CUTA: variants seen among roughly 807,000 people sequenced by gnomAD.
CUTA encodes the protein protein CutA.
A neutral mutation model predicts 20.7 loss-of-function variants in CUTA; 21 were observed. The ratio of observed to expected loss-of-function variants is 1.01; its 90% CI spans 0.72 to 1.46. The LOEUF is 1.46. Ranked by LOEUF, CUTA falls within the 40% of genes most tolerant of loss-of-function variation. The pLI, the probability that CUTA is intolerant of heterozygous loss-of-function variation, is 0.00. For synonymous variants in CUTA, 99 were observed against 97.9 expected, an observed-to-expected ratio of 1.01 and a Z score of -0.07; for missense variants, 231 against 226.8, an observed-to-expected ratio of 1.02 and a Z score of -0.12.
Position 33,416,601 on chromosome 6 carries a change from G to A in CUTA, c.*49C>T, listed in dbSNP as rs1776495886. 1.9e-6 allele frequency: 2 copies of A among 1,078,808 alleles called. No individual in the cohort carries two copies. The highest frequency in any genetic ancestry group is 4.8e-5 in the East Asian group (2 of 41,830). The allele number at this position is 1,078,808 out of a possible 1,614,324, so 66.8% of individuals were successfully genotyped here. The stretch of plus-strand genomic sequence containing the variant: ...CCCAGTCATCACCTGGAAGTCAGAA[G>A]GCGTTGAAGTATCGCGGGGATCTTC... On this transcript the variant is annotated 3_prime_UTR_variant, in exon 6 of 6. Coordinates refer to ENST00000488034, the MANE Select transcript of CUTA (RefSeq NM_001014840.2).
Position 33,417,598 on chromosome 6 carries a change from C to T in CUTA, c.140G>A (p.Gly47Glu), listed in dbSNP as rs1274578269. The change falls in exon 2 of 6, where the codon GGA becomes GAA. Residue 47 changes from glycine to glutamate, a missense_variant. By Grantham distance (98) the Gly-to-Glu change is moderately conservative. Transcript: ENST00000488034. ...CGGCGAGGGCTGGGTCGGAGGGCTT[C>T]CAGAGGCCATGGTCAGCAAGACTCG... The part of the protein sequence containing the change: ...LPRVLLTMAS[G>E]SPPTQPSPAS... 6.2e-7 allele frequency: 1 copy of T among 1,614,104 alleles called. No homozygotes were observed. The highest frequency in any genetic ancestry group is 8.5e-7 in the Non-Finnish European group (1 of 1,180,020).
At chr6:33,417,828 A>G (rs1279554807) in intron 1 of CUTA, 131 bp downstream of exon 1, 1 of 1,544,360 alleles carries the variant, frequency 6.5e-7, no homozygotes, top group South Asian at 1.2e-5. Context: ...TGAAGGTGAG[A>G]GAGAAACTTG....
At chr6:33,417,372 C>G (rs1285959841) in intron 2 of CUTA, 62 bp from the exon 3 acceptor site, 10 of 1,613,154 alleles carry the variant, frequency 6.2e-6, no homozygotes. Flanking sequence ...TACTGGCAGC[C>G]CAGAGACAGG....
Position 33,417,597 on chromosome 6 carries a change from T to C in CUTA, c.141A>G (p.Gly47=), listed in dbSNP as rs1233346840. 6.2e-7 allele frequency: 1 copy of C among 1,613,970 alleles called. No homozygotes were observed. Among genetic ancestry groups the C allele is most frequent in the Admixed American group, 1.7e-5 (1 of 60,000 alleles). ...LPRVLLTMAS[G]SPPTQPSPAS... is the part of the protein sequence containing the mutation. ...CCGGCGAGGGCTGGGTCGGAGGGCT[T>C]CCAGAGGCCATGGTCAGCAAGACTC... Residue 47 remains glycine (G), a synonymous_variant, in exon 2 of 6, where the codon GGA becomes GGG. Coordinates refer to ENST00000488034, the MANE Select transcript of CUTA (RefSeq NM_001014840.2).
At position 33,417,510 on chromosome 6, in the gene CUTA, G is replaced by A. The variant is rs1776586553; in HGVS notation, c.228C>T (p.Pro76=). Residue 76 remains proline, a synonymous_variant, in exon 2 of 6, where the codon CCC becomes CCT. Coordinates refer to ENST00000488034, the MANE Select transcript of CUTA (RefSeq NM_001014840.2). ...CGATCTCCTTGGCGACCTTCTCGTT[G>A]GGGCAAGTAACAAAGGCTGCAGAGA... ...GSVSAAFVTC[P]NEKVAKEIAR... is the part of the protein sequence containing the mutation. The A allele has an allele frequency of 6.2e-7, 1 of 1,613,986 alleles. No individual in the cohort carries two copies. The highest frequency in any genetic ancestry group is 1.7e-5 in the Admixed American group (1 of 59,994).
rs1562861094 is a variant in CUTA, at chr6:33,416,703, A to C, written c.487T>G (p.Trp163Gly). 6.2e-7 allele frequency: 1 copy of C among 1,613,976 alleles called. No homozygotes were observed. The highest frequency in any genetic ancestry group is 8.5e-7 in the Non-Finnish European group (1 of 1,179,866). ...VEQGNFPYLQ[W>G]VRQVTESVSD... ...ACTGACTCTGTGACCTGGCGCACCCACTGCAGGTACGGAAAGTTCCCCTGT... is the reference window on the plus strand; with the variant it reads ...ACTGACTCTGTGACCTGGCGCACCCCCTGCAGGTACGGAAAGTTCCCCTGT... Residue 163 changes from tryptophan to glycine, a missense_variant, in exon 6 of 6, where the codon TGG (tryptophan) becomes GGG (glycine). Transcript: ENST00000488034.
intron 3 of CUTA, 47 bp downstream of exon 3, chr6:33,417,204 C>CA: frequency 6.2e-7 from 1 of 1,613,862 alleles, no homozygotes; most frequent in Non-Finnish European, 8.5e-7. Context: ...AAGAGGTTCC[C>CA]AGTCAGCTCC....
chr6:33,417,013 G>C, intron 4 of CUTA, 44 bp from the exon 5 acceptor site: 1 of 1,613,042 alleles, frequency 6.2e-7, no homozygotes, highest in Non-Finnish European at 8.5e-7. Context: ...GAGTGGGATT[G>C]AGTTCAGTTT....
chr6:33,417,208 C>G (rs774357947), intron 3 of CUTA, 43 bp downstream of exon 3: 2 of 1,613,896 alleles, frequency 1.2e-6, no homozygotes, highest in South Asian at 1.1e-5. Context: ...GGTTCCCAGT[C>G]AGCTCCTACA....
Position 33,417,087 on chromosome 6 carries a change from T to A in CUTA, c.363+10A>T. The stretch of plus-strand genomic sequence containing the variant: ...GGGATATTTTGTTGGGTGGGGGAAA[T>A]GTTTCTCACCATCAGCACCTCACTG... On this transcript the variant is annotated intron_variant, in intron 4 of 5. Transcript: ENST00000488034. 1 of 1,611,608 alleles carries A rather than the reference T, an allele frequency of 6.2e-7. No individual in the cohort carries two copies. The highest frequency in any genetic ancestry group is 8.5e-7 in the Non-Finnish European group (1 of 1,178,186).
intron 1 of CUTA, 73 bp downstream of exon 1, chr6:33,417,886 T>G (rs1346410028): frequency 6.4e-7 from 1 of 1,572,292 alleles, no homozygotes; most frequent in Non-Finnish European, 8.6e-7. Context: ...GGGGCCAACC[T>G]CTGGGATTTA....
At position 33,417,521 on chromosome 6, in the gene CUTA, C is replaced by A. The variant is rs139820365; in HGVS notation, c.217G>T (p.Val73Phe). ...GCGACCTTCTCGTTGGGGCAAGTAACAAAGGCTGCAGAGACCGAGCCCGGA... is the reference window on the plus strand; with the variant it reads ...GCGACCTTCTCGTTGGGGCAAGTAAAAAAGGCTGCAGAGACCGAGCCCGGA... The part of the protein sequence containing the change: ...YVPGSVSAAF[V>F]TCPNEKVAKE... The change falls in exon 2 of 6, where the codon GTT becomes TTT. Residue 73 changes from valine (V) to phenylalanine (F), a missense_variant. Coordinates refer to ENST00000488034, the MANE Select transcript of CUTA (RefSeq NM_001014840.2). 1.2e-6 allele frequency: 2 copies of A among 1,614,110 alleles called. No individual in the cohort carries two copies. Among genetic ancestry groups the A allele is most frequent in the Non-Finnish European group, 1.7e-6 (2 of 1,180,036 alleles).
chr6:33,416,765 G>A lies in CUTA; in HGVS notation c.425C>T (p.Pro142Leu), dbSNP rs11543058. ...TGCAATTACCTCGGCCACTTCGTAAGGGTGCACAGAACTACAAAATAGGTG... is the reference window on the plus strand; with the variant it reads ...TGCAATTACCTCGGCCACTTCGTAAAGGTGCACAGAACTACAAAATAGGTG... ...ALTDFVRSVHPYEVAEVIALP... is the reference protein window; with the variant it reads ...ALTDFVRSVHLYEVAEVIALP... The change falls in exon 6 of 6, where the codon CCT (proline) becomes CTT (leucine). Residue 142 changes from proline to leucine, a missense_variant. Pro to Leu is a moderately conservative substitution (Grantham distance 98, BLOSUM62 -3). Coordinates refer to ENST00000488034, the MANE Select transcript of CUTA (RefSeq NM_001014840.2). 1,115 of 1,614,122 alleles carry A rather than the reference G, an allele frequency of 6.9e-4. 1 individual carries two copies. In the African/African-American group the frequency reaches 8.6e-3, roughly 13 times the overall value.
At chr6:33,417,720 C>T (rs750043238) in intron 1 of CUTA, 25 bp from the exon 2 acceptor site, 9 of 1,588,416 alleles carry the variant, frequency 5.7e-6, no homozygotes, top group Non-Finnish European at 7.7e-6. Context: ...CGAATTCGAT[C>T]TCTCCTCACA....
chr6:33,417,933 G>A (rs765979014), intron 1 of CUTA, 26 bp downstream of exon 1: 5 of 1,572,142 alleles, frequency 3.2e-6, no homozygotes, highest in Admixed American at 3.8e-5. Flanking sequence ...AGGACCGGAA[G>A]GGGCGGGGCG....
At chr6:33,417,381 G>A in intron 2 of CUTA, 71 bp from the exon 3 acceptor site, 1 of 1,613,042 alleles carries the variant, frequency 6.2e-7, no homozygotes, top group Non-Finnish European at 8.5e-7. Context: ...CCCAGAGACA[G>A]GCTTCCAGAG....
In CUTA at chr6:33,417,608, T is replaced by A; in HGVS notation, c.130A>T (p.Met44Leu). The change falls in exon 2 of 6, where the codon ATG becomes TTG. Residue 44 changes from methionine (M) to leucine (L), a missense_variant. By Grantham distance (15) the Met-to-Leu change is conservative (BLOSUM62 2). Coordinates refer to ENST00000488034, the MANE Select transcript of CUTA (RefSeq NM_001014840.2). Reference protein sequence around the residue: ...LLLLPRVLLTMASGSPPTQPS... With the variant: ...LLLLPRVLLTLASGSPPTQPS... ...TGGGTCGGAGGGCTTCCAGAGGCCA[T>A]GGTCAGCAAGACTCGGGGTAGCAAC... The A allele has an allele frequency of 1.2e-6, 2 of 1,614,054 alleles. No individual in the cohort carries two copies. Among genetic ancestry groups the A allele is most frequent in the Non-Finnish European group, 1.7e-6 (2 of 1,180,014 alleles).
chr6:33,416,602 G>A lies in CUTA; in HGVS notation c.*48C>T. 9.2e-7 allele frequency: 1 copy of A among 1,084,578 alleles called. No individual in the cohort carries two copies. Among genetic ancestry groups the A allele is most frequent in the Non-Finnish European group, 1.4e-6 (1 of 698,242 alleles). The allele number at this position is 1,084,578 out of a possible 1,614,324, so 67.2% of individuals were successfully genotyped here. ...CCAGTCATCACCTGGAAGTCAGAAG[G>A]CGTTGAAGTATCGCGGGGATCTTCA... On this transcript the variant is annotated 3_prime_UTR_variant, in exon 6 of 6. Transcript: ENST00000488034.
At position 33,417,641 on chromosome 6, in the gene CUTA, G is replaced by C. The variant is rs747018021; in HGVS notation, c.97C>G (p.Arg33Gly). Residue 33 changes from arginine (R) to glycine (G), a missense_variant, in exon 2 of 6, where the codon CGC (arginine) becomes GGC (glycine). Arg to Gly is a moderately radical substitution (Grantham distance 125, BLOSUM62 -2). Coordinates refer to ENST00000488034, the MANE Select transcript of CUTA (RefSeq NM_001014840.2). ...AAGACTCGGGGTAGCAACAAAAGGC[G>C]GGAGGCCACAGGCAGCAGCGCCGGC... ...WMPALLPVAS[R>G]LLLLPRVLLT... The C allele has an allele frequency of 2.0e-5, 32 of 1,613,130 alleles. No individual in the cohort carries two copies. The highest frequency in any genetic ancestry group is 1.7e-6 in the Non-Finnish European group (2 of 1,179,546).
Sources: gnomAD v4.1 joint callset for allele counts on GRCh38, gnomAD v4.1.1 for gene constraint, MANE v1.5 for transcripts, NCBI Gene and HGNC (gene_info 2026-07-23, HGNC 2026-07-21) for gene names.